The following PLD5 variants were observed in gnomAD, a reference collection of about 807,000 sequenced individuals.
PLD5 encodes the protein phospholipase D family member 5, also known as inactive phospholipase D5.
A neutral mutation model predicts 61.1 loss-of-function variants in PLD5; 36 were observed. That is an observed-to-expected ratio of 0.59 (90% CI 0.45 to 0.78). The LOEUF (loss-of-function observed/expected upper bound fraction) is 0.78. Among genes scored for constraint, PLD5 ranks in the 30% least tolerant of loss-of-function variants. The pLI is 0.00. For synonymous variants in PLD5, 243 were observed against 242.8 expected (o/e 1.00, Z -0.01); for missense variants, 515 against 644.4 (o/e 0.80, Z 2.17).
rs373665256 is a variant in PLD5 at position 242,376,320 on chromosome 1, G to T, written c.190-28078C>A. On this transcript the variant is annotated intron_variant, in intron 1 of 9. Coordinates refer to ENST00000536534, the MANE Select transcript of PLD5 (RefSeq NM_001372062.1). ...TGCAAGACTGCTTTAAACACCCTTC[G>T]GCGTGGCCTGAAGACAAAGGCACGC... Among the ~76,000 whole-genome samples the T allele has an allele frequency of 2.6e-5, 4 of 152,178 alleles. No homozygotes were observed. The East Asian group carries it at 7.7e-4, about 29-fold the overall frequency.
chr1:242,346,024 C>A lies in PLD5; in HGVS notation c.326+2082G>T, dbSNP rs1185490196. On this transcript the variant is annotated intron_variant, in intron 2 of 9. Transcript: ENST00000536534. ...TTTCAGAAAAGATCTCCCCCCCCCC[C>A]ATATATACAACCATATATCATATTT... Among the ~76,000 whole-genome samples, 10 of 62,908 alleles carry A rather than the reference C, an allele frequency of 1.6e-4. 1 individual carries two copies. The highest frequency in any genetic ancestry group is 9.9e-4 in the South Asian group (1 of 1,014). The allele number at this position is 62,908 out of a possible 152,430, so 41.3% of individuals were successfully genotyped here. A position where few individuals can be genotyped will look rare whatever the true frequency, so the allele number is the denominator to read the frequency against.
intron 5 of PLD5, 54 bp downstream of exon 5, chr1:242,219,934 G>A (rs895382426): frequency 1.3e-6 from 2 of 1,579,714 alleles, no homozygotes; most frequent in East Asian, 2.3e-5. Context: ...CTTTATGAAG[G>A]TGGTCGCTTT....
chr1:242,220,709 ATT>A (rs377589878), intron 4 of PLD5, among the ~76,000 whole-genome samples: 43,317 of 130,680 alleles, frequency 0.33, 6,686 homozygotes, highest in East Asian at 0.52. Flanking sequence ...TTTAATTTAT[ATT>A]TTATTTTATT....
At chr1:242,483,127 A>G (rs1558598446) in intron 1 of PLD5, among the ~76,000 whole-genome samples, 1 of 152,214 alleles carries the variant, frequency 6.6e-6, no homozygotes, top group Non-Finnish European at 1.5e-5. Context: ...AAGACCATCA[A>G]GGCTAGGAAG....
At position 242,456,790 on chromosome 1, in the gene PLD5, G is replaced by T. The variant is rs759842913; in HGVS notation, c.189+67298C>A. On this transcript the variant is annotated intron_variant, in intron 1 of 9. Coordinates refer to ENST00000536534, the MANE Select transcript of PLD5 (RefSeq NM_001372062.1). ...GGCCCCTGTGAGACTGCATTTCCAC[G>T]CTGGAACACAGACCTGGAGTCCAGA... Among the ~76,000 whole-genome samples the T allele has an allele frequency of 3.9e-5, 6 of 152,244 alleles. No individual in the cohort carries two copies. In the East Asian group the frequency reaches 1.2e-3, roughly 29 times the overall value.
intron 5 of PLD5, among the ~76,000 whole-genome samples, chr1:242,127,988 C>T (rs549924460): frequency 7.2e-5 from 11 of 152,214 alleles, no homozygotes; most frequent in Non-Finnish European, 1.2e-4. Flanking sequence ...ATGTCAGACC[C>T]GTGGTGTTTT....
chr1:242,426,994 C>A (rs1665464666), intron 1 of PLD5, among the ~76,000 whole-genome samples: 1 of 152,140 alleles, frequency 6.6e-6, no homozygotes, highest in African/African-American at 2.4e-5. Flanking sequence ...ACCTTGGAAG[C>A]AACACATTGA....
Position 242,503,067 on chromosome 1 carries a change from A to G in PLD5, c.189+21021T>C, listed in dbSNP as rs574032490. On this transcript the variant is annotated intron_variant, in intron 1 of 9. Coordinates refer to ENST00000536534, the MANE Select transcript of PLD5 (RefSeq NM_001372062.1). Reference sequence around the variant, plus strand: ...AGAGCAAGACTCCGTCTCAAAAACAAAAACAAAACAGAGTCCTGCGGAGGT... The same window carrying G: ...AGAGCAAGACTCCGTCTCAAAAACAGAAACAAAACAGAGTCCTGCGGAGGT... Among the ~76,000 whole-genome samples, 5 of 152,262 alleles carry G rather than the reference A, an allele frequency of 3.3e-5. No homozygotes were observed. The East Asian group carries it at 9.7e-4, about 29-fold the overall frequency.
At chr1:242,451,555 G>T in intron 1 of PLD5, among the ~76,000 whole-genome samples, 1 of 147,078 alleles carries the variant, frequency 6.8e-6, no homozygotes, top group African/African-American at 2.5e-5. Flanking sequence ...CGCCACCCAG[G>T]GTCGAGTGAT....
At chr1:242,504,958 C>A (rs1553436) in intron 1 of PLD5, among the ~76,000 whole-genome samples, 32,693 of 151,956 alleles carry the variant, frequency 0.22, 3,793 homozygotes, top group African/African-American at 0.27. Flanking sequence ...GAATTTGAGA[C>A]CAGCCTGGAC....
intron 7 of PLD5, among the ~76,000 whole-genome samples, chr1:242,111,524 T>C (rs1489384750): frequency 6.6e-6 from 1 of 152,194 alleles, no homozygotes. Context: ...TATGATTTTT[T>C]TTCTCTTTCA....
At chr1:242,290,469 G>T (rs909486215) in intron 2 of PLD5, among the ~76,000 whole-genome samples, 5 of 152,108 alleles carry the variant, frequency 3.3e-5, no homozygotes, top group African/African-American at 1.2e-4. Flanking sequence ...GGCAGCATTT[G>T]TAGGGACCAC....
chr1:242,334,492 G>A (rs1659386011), intron 2 of PLD5, among the ~76,000 whole-genome samples: 1 of 152,076 alleles, frequency 6.6e-6, no homozygotes, highest in Non-Finnish European at 1.5e-5. Context: ...AGCTTCCCTG[G>A]GCCATGGAGG....
upstream of PLD5, among the ~76,000 whole-genome samples, chr1:242,529,563 C>A (rs1306556363): frequency 6.6e-6 from 1 of 152,152 alleles, no homozygotes; most frequent in African/African-American, 2.4e-5. Flanking sequence ...GGTGGCTCAA[C>A]TCTAAATGCC....
rs191605577 is a variant in PLD5 at position 242,278,663 on chromosome 1, C to T, written c.495+9699G>A. Reference sequence around the variant, plus strand: ...TCAGTGTTGTTCTACTATGCTGTATCGTTATAAATGGTTTTATGTTTGTCT... The same window carrying T: ...TCAGTGTTGTTCTACTATGCTGTATTGTTATAAATGGTTTTATGTTTGTCT... On this transcript the variant is annotated intron_variant, in intron 3 of 9. Coordinates refer to ENST00000536534, the MANE Select transcript of PLD5 (RefSeq NM_001372062.1). Among the ~76,000 whole-genome samples the T allele has an allele frequency of 2.5e-3, 379 of 152,270 alleles. 7 individuals carry two copies. The highest frequency in any genetic ancestry group is 0.023 in the Admixed American group (345 of 15,280).
At chr1:242,114,486 G>GTTAA (rs1467293568) in intron 6 of PLD5, among the ~76,000 whole-genome samples, 1 of 152,138 alleles carries the variant, frequency 6.6e-6, no homozygotes, top group Non-Finnish European at 1.5e-5. Flanking sequence ...TATAGTCATA[G>GTTAA]TTAACTACGG....
At chr1:242,495,187 T>C (rs926770712) in intron 1 of PLD5, among the ~76,000 whole-genome samples, 5 of 152,132 alleles carry the variant, frequency 3.3e-5, no homozygotes, top group African/African-American at 1.2e-4. Context: ...ATGCCTTCAT[T>C]GTCTAATTGA....
intron 8 of PLD5, among the ~76,000 whole-genome samples, chr1:242,107,198 G>T (rs763455419): frequency 1.6e-4 from 24 of 152,092 alleles, no homozygotes; most frequent in African/African-American, 5.6e-4. Context: ...GGAGAGGGCC[G>T]GGTGCGGTGG....
chr1:242,494,878 C>CTTTTTTTTTTTTTTTTCTTT (rs556893161), intron 1 of PLD5, among the ~76,000 whole-genome samples: 1 of 135,890 alleles, frequency 7.4e-6, no homozygotes, highest in Non-Finnish European at 1.6e-5. Flanking sequence ...TTTTTCTTTT[C>CTTTTTTTTTTTTTTTTCTTT]TGTTTTTTTT....
Sources: gnomAD v4.1 joint callset for allele counts (sites outside exome capture counted in the v4.1 genomes callset) on GRCh38, gnomAD v4.1.1 for gene constraint, MANE v1.5 for transcripts, NCBI Gene and HGNC (gene_info 2026-07-23, HGNC 2026-07-21) for gene names.